Variants in CMIP observed in about 807,000 individuals in gnomAD.
CMIP encodes the protein c-Maf inducing protein, also known as C-Maf-inducing protein.
In CMIP, 13 loss-of-function variants were observed where a neutral mutation model predicts 97.3. That is an observed-to-expected ratio of 0.13 (90% confidence interval 0.09 to 0.21). The LOEUF (loss-of-function observed/expected upper bound fraction) is 0.21. CMIP is among the 10% of genes least tolerant of loss of function. The probability of loss-of-function intolerance (pLI) is 1.00; values close to 1 mark genes in which losing one functional copy is unlikely to be tolerated. For missense variants in CMIP, 847 were observed against 1,024.9 expected (o/e 0.83, Z 2.37); for synonymous variants, 538 against 436.3 (o/e 1.23, Z -2.91).
intron 1 of CMIP, chr16:81,520,447 T>G (rs542434811): frequency 6.6e-6 from 1 of 152,362 alleles, no homozygotes; most frequent in African/African-American, 2.4e-5. Context: ...ATACCTTTAA[T>G]CCCAGCACTT....
At chr16:81,695,050 C>G (rs535537320) in intron 13 of CMIP, among the ~76,000 whole-genome samples, 1 of 152,318 alleles carries the variant, frequency 6.6e-6, no homozygotes, top group Non-Finnish European at 1.5e-5. Flanking sequence ...GTGGCATCAG[C>G]TGCTTCTCAG....
At chr16:81,684,645 A>G (rs1242263180) in intron 10 of CMIP, among the ~76,000 whole-genome samples, 2 of 151,756 alleles carry the variant, frequency 1.3e-5, no homozygotes, top group Non-Finnish European at 2.9e-5. Context: ...AAGTGTCTGA[A>G]CCTCTCTGGA....
At chr16:81,695,208 T>C (rs1906574140) in intron 13 of CMIP, among the ~76,000 whole-genome samples, 1 of 152,356 alleles carries the variant, frequency 6.6e-6, no homozygotes, top group South Asian at 2.1e-4. Flanking sequence ...TTTGCCTCTT[T>C]CTTTTCTCTG....
At chr16:81,545,747 C>G (rs2090534103) in intron 1 of CMIP, among the ~76,000 whole-genome samples, 1 of 152,218 alleles carries the variant, frequency 6.6e-6, no homozygotes, top group Non-Finnish European at 1.5e-5. Context: ...TTTTCAAGCT[C>G]CAAACGCCCA....
rs1905781152 is a variant in CMIP at position 81,445,601 on chromosome 16, C to T, written c.300+60C>T. On this transcript the variant is annotated intron_variant, in intron 1 of 20. Transcript: ENST00000537098. ...CCTCGGGGCCCGAGATGCGCCCTCC[C>T]TGGCTGCCCCCTGGCGCTGCACCTG... 11 of 1,496,768 alleles carry T rather than the reference C, an allele frequency of 7.3e-6. No individual in the cohort carries two copies. In the Admixed American group the frequency reaches 1.4e-4, roughly 19 times the overall value. 92.7% of individuals were successfully genotyped at this position (1,496,768 alleles called of 1,614,324 possible).
At chr16:81,473,515 A>G (rs974370352) in intron 1 of CMIP, among the ~76,000 whole-genome samples, 27 of 150,772 alleles carry the variant, frequency 1.8e-4, no homozygotes, top group Admixed American at 3.9e-4. Context: ...ATCCTATGAA[A>G]TAAAACTGGA....
intron 3 of CMIP, among the ~76,000 whole-genome samples, chr16:81,645,984 G>C (rs1375727368): frequency 6.6e-6 from 1 of 152,096 alleles, no homozygotes; most frequent in Non-Finnish European, 1.5e-5. Flanking sequence ...GTTATCCTTA[G>C]TACTTAACAT....
At position 81,710,162 on chromosome 16, in the gene CMIP, C is replaced by T. The variant is rs945579058; in HGVS notation, c.*363C>T. 40 of 294,106 alleles carry T rather than the reference C, an allele frequency of 1.4e-4. No homozygotes were observed. The highest frequency in any genetic ancestry group is 1.1e-3 in the Middle Eastern group (1 of 926). 18.2% of individuals were successfully genotyped at this position (294,106 alleles called of 1,614,324 possible). On this transcript the variant is annotated 3_prime_UTR_variant, in exon 21 of 21. Transcript: ENST00000537098. ...GCCGTCGTGTGGGAAAAGTCAACTC[C>T]GATGCCACCATTGCGGGCCGGACGA... is the stretch of plus-strand genomic sequence containing the variant.
At chr16:81,544,495 C>G (rs1239626456) in intron 1 of CMIP, among the ~76,000 whole-genome samples, 1 of 150,376 alleles carries the variant, frequency 6.6e-6, no homozygotes, top group East Asian at 2.0e-4. Context: ...TCCAAACAGC[C>G]TGCCGCTGAC....
intron 1 of CMIP, among the ~76,000 whole-genome samples, chr16:81,547,112 C>T (rs574077138): frequency 1.6e-4 from 24 of 152,242 alleles, no homozygotes; most frequent in African/African-American, 5.1e-4. Flanking sequence ...CCTGGGCTCC[C>T]GGAGGCAGGG....
chr16:81,505,835 A>G (rs558155714), intron 1 of CMIP, among the ~76,000 whole-genome samples: 2 of 152,284 alleles, frequency 1.3e-5, no homozygotes. Flanking sequence ...TACTAAATAC[A>G]AAACAAAAAA....
At chr16:81,644,464 C>T (rs1466757511) in intron 3 of CMIP, among the ~76,000 whole-genome samples, 2 of 152,166 alleles carry the variant, frequency 1.3e-5, no homozygotes, top group Admixed American at 1.3e-4. Flanking sequence ...ATGTTGAAGA[C>T]TTGGCGGCCA....
chr16:81,555,719 G>T (rs1380898040), intron 1 of CMIP, among the ~76,000 whole-genome samples: 3 of 152,178 alleles, frequency 2.0e-5, no homozygotes, highest in East Asian at 3.9e-4. Context: ...GCTAAATCAG[G>T]AAGGAGAAAC....
intron 19 of CMIP, 121 bp from the exon 20 acceptor site, chr16:81,706,893 C>A: frequency 2.5e-6 from 2 of 797,784 alleles, no homozygotes; most frequent in South Asian, 1.6e-5. Context: ...ACCTCCCTCC[C>A]CAGCCCCATC....
intron 1 of CMIP, among the ~76,000 whole-genome samples, chr16:81,459,087 T>A (rs1016199042): frequency 4.6e-5 from 7 of 151,998 alleles, no homozygotes; most frequent in Non-Finnish European, 7.4e-5. Flanking sequence ...ACCATCACTG[T>A]CATTACTGTG....
rs4411494 is a variant in CMIP at position 81,556,511 on chromosome 16, G to A, written c.301-51056G>A. ...AATGTGCCAACGATTACTATTTTCC[G>A]TTGTTTTATCAGTGGCCCTCCTAAT... On this transcript the variant is annotated intron_variant, in intron 1 of 20. Transcript: ENST00000537098. Among the ~76,000 whole-genome samples the A allele has an allele frequency of 8.6e-3, 1,305 of 152,258 alleles. 17 individuals are homozygous for A. Among genetic ancestry groups the A allele is most frequent in the South Asian group, 0.055 (265 of 4,826 alleles).
At position 81,688,947 on chromosome 16, in the gene CMIP, G is replaced by A. The variant is rs558717766; in HGVS notation, c.1389-2828G>A. On this transcript the variant is annotated intron_variant, in intron 10 of 20. Coordinates refer to ENST00000537098, the MANE Select transcript of CMIP (RefSeq NM_198390.3). ...CTTGCGATAGTTTGCTCAGAATGAT[G>A]GTTTCCAGCTTCATCCATGTCCCTA... Among the ~76,000 whole-genome samples the A allele has an allele frequency of 9.8e-5, 15 of 152,294 alleles. No homozygotes were observed. The South Asian group carries it at 3.1e-3, about 32-fold the overall frequency.
chr16:81,697,308 G>A (rs1906847584), intron 14 of CMIP: 1 of 152,572 alleles, frequency 6.6e-6, no homozygotes. Flanking sequence ...CGTGCCTGGG[G>A]TCCCACAGGC....
intron 3 of CMIP, chr16:81,645,286 T>A: frequency 9.9e-7 from 1 of 1,005,854 alleles, no homozygotes; most frequent in Non-Finnish European, 1.3e-6. Context: ...TCCTCCACTC[T>A]GCAGTGCCAT....
Sources: allele counts gnomAD v4.1 joint callset (sites outside exome capture counted in the v4.1 genomes callset), GRCh38; gene constraint gnomAD v4.1.1; transcripts MANE v1.5; gene names NCBI Gene and HGNC (gene_info 2026-07-23, HGNC 2026-07-21).